The following CORO2B variants were observed in gnomAD, a reference collection of about 807,000 sequenced individuals.
The protein encoded by CORO2B is coronin 2B, also known as coronin-2B.
A neutral mutation model predicts 58.8 loss-of-function variants in CORO2B; 26 were observed. That is an observed-to-expected ratio of 0.44 (90% CI 0.32 to 0.61). The LOEUF (loss-of-function observed/expected upper bound fraction) is 0.61. Among genes scored for constraint, CORO2B ranks in the 20% least tolerant of loss-of-function variants. The pLI is 0.04. For synonymous variants in CORO2B, 242 were observed against 253.8 expected (o/e 0.95, Z 0.44); for missense variants, 460 against 645.1 (o/e 0.71, Z 3.11).
intron 3 of CORO2B, among the ~76,000 whole-genome samples, chr15:68,695,563 A>AAGGGCAAGGGAAAGAAT (rs1892490833): frequency 6.6e-6 from 1 of 152,190 alleles, no homozygotes; most frequent in Non-Finnish European, 1.5e-5. Context: ...CTGTCTAAAG[A>AAGGGCAAGGGAAAGAAT]AGGGCAAGGG....
At chr15:68,529,523 A>G in the CORO2B span, among the ~76,000 whole-genome samples, 3 of 152,216 alleles carry the variant, frequency 2.0e-5, no homozygotes, top group Admixed American at 2.0e-4. Flanking sequence ...AAAGTCATTC[A>G]TTATATTCCC....
At chr15:68,569,085 C>T in the CORO2B span, among the ~76,000 whole-genome samples, 2 of 152,206 alleles carry the variant, frequency 1.3e-5, no homozygotes, top group Non-Finnish European at 2.9e-5. Flanking sequence ...CCACTGTCAA[C>T]ATCCCCCACC....
chr15:68,640,329 G>A (rs532019038), intron 1 of CORO2B, among the ~76,000 whole-genome samples: 1 of 152,304 alleles, frequency 6.6e-6, no homozygotes, highest in Non-Finnish European at 1.5e-5. Context: ...CCAAAGCCAA[G>A]TAACTGATAA....
At chr15:68,693,201 C>T (rs1892427681) in intron 2 of CORO2B, among the ~76,000 whole-genome samples, 1 of 152,040 alleles carries the variant, frequency 6.6e-6, no homozygotes, top group Non-Finnish European at 1.5e-5. Context: ...CTGTTTTTTC[C>T]TCTACCCATC....
At chr15:68,519,426 T>C in the CORO2B span, among the ~76,000 whole-genome samples, 2 of 152,234 alleles carry the variant, frequency 1.3e-5, no homozygotes, top group South Asian at 4.1e-4. Context: ...ATTAATTCTA[T>C]TTTAAACCCC....
intron 2 of CORO2B, among the ~76,000 whole-genome samples, chr15:68,689,734 T>G (rs991838112): frequency 6.6e-6 from 1 of 152,200 alleles, no homozygotes; most frequent in Non-Finnish European, 1.5e-5. Context: ...TTGCTGACAT[T>G]TTTTAAAAAT....
chr15:68,696,877 A>G (rs142797204), intron 3 of CORO2B, among the ~76,000 whole-genome samples: 3 of 152,328 alleles, frequency 2.0e-5, no homozygotes, highest in South Asian at 2.1e-4. Flanking sequence ...TCAGGCCACA[A>G]GCATCTACCT....
chr15:68,694,126 G>A (rs1482641948), intron 2 of CORO2B, among the ~76,000 whole-genome samples: 5 of 152,114 alleles, frequency 3.3e-5, no homozygotes, highest in South Asian at 2.1e-4. Flanking sequence ...GTGAGCCACC[G>A]CACCCGGCTT....
chr15:68,711,770 C>T (rs1443487276), intron 5 of CORO2B, 64 bp downstream of exon 5: 21 of 1,586,836 alleles, frequency 1.3e-5, no homozygotes, highest in Non-Finnish European at 1.8e-5. Flanking sequence ...CAGCTTTCAG[C>T]AGGCCTGGAA....
chr15:68,671,999 G>A (rs996335342), intron 2 of CORO2B, among the ~76,000 whole-genome samples: 2 of 152,172 alleles, frequency 1.3e-5, no homozygotes, highest in Non-Finnish European at 2.9e-5. Flanking sequence ...AGTTCTGACT[G>A]TGCCCAGCTT....
the CORO2B span, among the ~76,000 whole-genome samples, chr15:68,525,246 G>A: frequency 6.6e-6 from 1 of 152,292 alleles, no homozygotes; most frequent in African/African-American, 2.4e-5. Flanking sequence ...TCTGAAATAA[G>A]TCACTCAAAA....
chr15:68,669,742 GGA>G (rs1306383629), intron 2 of CORO2B, among the ~76,000 whole-genome samples: 6 of 152,020 alleles, frequency 3.9e-5, no homozygotes, highest in African/African-American at 1.4e-4. Flanking sequence ...TATTTTTCTT[GGA>G]GAAATAAACC....
intron 2 of CORO2B, among the ~76,000 whole-genome samples, chr15:68,661,964 G>A (rs1902028425): frequency 6.6e-6 from 1 of 152,102 alleles, no homozygotes; most frequent in Non-Finnish European, 1.5e-5. Flanking sequence ...CTGAGATCAT[G>A]CCATTGCACT....
At chr15:68,550,270 G>A in the CORO2B span, among the ~76,000 whole-genome samples, 2 of 152,186 alleles carry the variant, frequency 1.3e-5, no homozygotes, top group Non-Finnish European at 2.9e-5. Flanking sequence ...CCCCCGGGAT[G>A]TAATGCCCCA....
intron 1 of CORO2B, among the ~76,000 whole-genome samples, chr15:68,638,640 G>T (rs1237732223): frequency 6.6e-6 from 1 of 152,224 alleles, no homozygotes; most frequent in Non-Finnish European, 1.5e-5. Flanking sequence ...GAGAAGATAT[G>T]TGTTGTATTG....
At chr15:68,561,133 C>T in the CORO2B span, among the ~76,000 whole-genome samples, 3 of 152,116 alleles carry the variant, frequency 2.0e-5, no homozygotes, top group African/African-American at 7.2e-5. Context: ...CTGGTTGGGT[C>T]CCAGGAAAGG....
At chr15:68,711,885 G>C (rs993486608) in intron 5 of CORO2B, among the ~76,000 whole-genome samples, 179 bp downstream of exon 5, 1 of 152,146 alleles carries the variant, frequency 6.6e-6, no homozygotes, top group Non-Finnish European at 1.5e-5. Context: ...ACCCTGCCTT[G>C]TTCTGGGTGG....
At chr15:68,551,024 C>A in the CORO2B span, among the ~76,000 whole-genome samples, 91 of 152,134 alleles carry the variant, frequency 6.0e-4, no homozygotes, top group African/African-American at 2.2e-3. Flanking sequence ...CAGCTTTTCG[C>A]AGCACACTGG....
At position 68,622,807 on chromosome 15, in the gene CORO2B, A is replaced by G. The variant is rs542335007; in HGVS notation, c.16-22353A>G. 2.0e-5 allele frequency among the ~76,000 whole-genome samples: 3 copies of G among 152,348 alleles called. No individual in the cohort carries two copies. The South Asian group carries it at 6.2e-4, about 32-fold the overall frequency. ...TTTACAGTTTTGTTGACCTTAACTCACAACACCCCTGTGAGGCAGGCAGAA... is the reference window on the plus strand; with the variant it reads ...TTTACAGTTTTGTTGACCTTAACTCGCAACACCCCTGTGAGGCAGGCAGAA... On this transcript the variant is annotated intron_variant, in intron 1 of 11. Transcript: ENST00000261861.
Sources: gnomAD v4.1 joint callset for allele counts (sites outside exome capture counted in the v4.1 genomes callset) on GRCh38, gnomAD v4.1.1 for gene constraint, MANE v1.5 for transcripts, NCBI Gene and HGNC (gene_info 2026-07-23, HGNC 2026-07-21) for gene names.